CFAP96: variants seen among roughly 807,000 people sequenced by gnomAD.
CFAP96 encodes cilia-and flagella-associated protein 96.
At chr4:185,423,815 C>T in the CFAP96 span, among the ~76,000 whole-genome samples, 33 of 149,612 alleles carry the variant, frequency 2.2e-4, no homozygotes, top group South Asian at 4.6e-3. Context: ...TACATATATA[C>T]ACACACACAC....
the CFAP96 span, among the ~76,000 whole-genome samples, chr4:185,416,294 C>T: frequency 6.6e-6 from 1 of 152,222 alleles, no homozygotes; most frequent in South Asian, 2.1e-4. Flanking sequence ...ATTCTCTCCA[C>T]TTTTGTACTG....
the CFAP96 span, chr4:185,432,285 C>CT: frequency 9.7e-7 from 1 of 1,029,226 alleles, no homozygotes. Flanking sequence ...GTAGGACTTA[C>CT]TTATGTAAGA....
the CFAP96 span, chr4:185,415,224 C>A: frequency 4.4e-6 from 7 of 1,604,360 alleles, no homozygotes; most frequent in South Asian, 6.7e-5. Context: ...GATTTTTTTT[C>A]CCTGGTAATA....
chr4:185,429,496 G>A, the CFAP96 span: 3 of 1,527,304 alleles, frequency 2.0e-6, no homozygotes, highest in Non-Finnish European at 1.8e-6. Flanking sequence ...TGATAAATAT[G>A]TGTCACAATT....
At chr4:185,419,227 G>A in the CFAP96 span, among the ~76,000 whole-genome samples, 1 of 152,148 alleles carries the variant, frequency 6.6e-6, no homozygotes, top group South Asian at 2.1e-4. Flanking sequence ...CGCCTCCCGG[G>A]TTCACGCCAT....
chr4:185,418,428 A>G, the CFAP96 span: 1 of 1,583,858 alleles, frequency 6.3e-7, no homozygotes. Flanking sequence ...CAGAAGACAG[A>G]TAGTTTGCTT....
At chr4:185,428,464 CA>C in the CFAP96 span, among the ~76,000 whole-genome samples, 1 of 149,940 alleles carries the variant, frequency 6.7e-6, no homozygotes, top group Non-Finnish European at 1.5e-5. Flanking sequence ...TCCAGCTACT[CA>C]GGTGGCTGAG....
At chr4:185,441,510 A>G in the CFAP96 span, among the ~76,000 whole-genome samples, 36 of 151,924 alleles carry the variant, frequency 2.4e-4, no homozygotes, top group African/African-American at 8.7e-4. Context: ...TAATGATTGG[A>G]TGTAGTCAGA....
chr4:185,449,445 C>A, the CFAP96 span: 2 of 498,768 alleles, frequency 4.0e-6, no homozygotes, highest in African/African-American at 4.0e-5. Context: ...TGCCTAAAAG[C>A]CTAGGAGGTT....
chr4:185,416,101 T>C, the CFAP96 span: 2 of 342,750 alleles, frequency 5.8e-6, no homozygotes. Flanking sequence ...GAAGGACTTT[T>C]AAAGGACAGA....
chr4:185,408,572 C>T, the CFAP96 span: 2 of 909,052 alleles, frequency 2.2e-6, no homozygotes, highest in Non-Finnish European at 3.2e-6. Flanking sequence ...CTTCACAGAT[C>T]TATGGTTTAA....
At chr4:185,425,054 T>A in the CFAP96 span, among the ~76,000 whole-genome samples, 1 of 152,196 alleles carries the variant, frequency 6.6e-6, no homozygotes, top group Non-Finnish European at 1.5e-5. Flanking sequence ...CCCAGATGGA[T>A]AGATCTCAAG....
At chr4:185,447,188 T>G in the CFAP96 span, among the ~76,000 whole-genome samples, 1 of 28,038 alleles carries the variant, frequency 3.6e-5, no homozygotes, top group South Asian at 1.5e-3. Flanking sequence ...TATTTTTTCT[T>G]TTTTTTTTTT....
the CFAP96 span, chr4:185,415,202 A>G: frequency 6.2e-6 from 10 of 1,607,142 alleles, no homozygotes; most frequent in South Asian, 1.1e-4. Flanking sequence ...GAAGGATATG[A>G]AATTGTTACA....
the CFAP96 span, among the ~76,000 whole-genome samples, chr4:185,443,342 A>ATATATTTTTTTTTTTTT: frequency 1.5e-4 from 4 of 26,726 alleles, no homozygotes; most frequent in East Asian, 1.5e-3. Flanking sequence ...ATATATATAT[A>ATATATTTTTTTTTTTTT]TTTTTTTTTT....
the CFAP96 span, among the ~76,000 whole-genome samples, chr4:185,447,047 T>C: frequency 2.0e-5 from 3 of 152,236 alleles, no homozygotes; most frequent in East Asian, 5.8e-4. Flanking sequence ...CTCTAAAGTC[T>C]GCTAATATCC....
the CFAP96 span, among the ~76,000 whole-genome samples, chr4:185,444,126 T>C: frequency 6.6e-6 from 1 of 150,536 alleles, no homozygotes; most frequent in Non-Finnish European, 1.5e-5. Flanking sequence ...GCTAATTTTT[T>C]GTATTTTTAG....
the CFAP96 span, among the ~76,000 whole-genome samples, chr4:185,443,278 T>G: frequency 2.0e-5 from 3 of 147,562 alleles, no homozygotes; most frequent in Admixed American, 6.8e-5. Flanking sequence ...AATCAGTCAT[T>G]TCATTCAGGT....
chr4:185,446,682 GT>G, the CFAP96 span, among the ~76,000 whole-genome samples: 1 of 150,886 alleles, frequency 6.6e-6, no homozygotes, highest in African/African-American at 2.4e-5. Context: ...AATTTTAAAT[GT>G]TATATAGTTT....
Sources: allele counts gnomAD v4.1 joint callset (sites outside exome capture counted in the v4.1 genomes callset), GRCh38; gene constraint gnomAD v4.1.1; transcripts MANE v1.5; gene names NCBI Gene and HGNC (gene_info 2026-07-23, HGNC 2026-07-21).